PRR16: variants seen among roughly 807,000 people sequenced by gnomAD.
PRR16 encodes the protein proline rich 16.
PRR16 carries 6 observed loss-of-function variants against 18.2 expected under a neutral mutation model. The ratio of observed to expected loss-of-function variants is 0.33; its 90% CI spans 0.18 to 0.65. The LOEUF is 0.65. Among genes scored for constraint, PRR16 ranks in the 30% least tolerant of loss-of-function variants. PRR16 has a pLI of 0.74. For missense variants in PRR16, 412 were observed against 376.6 expected (o/e 1.09, Z -0.78); for synonymous variants, 151 against 147.8 (o/e 1.02, Z -0.16).
At chr5:120,521,049 C>T (rs780486699) in intron 1 of PRR16, among the ~76,000 whole-genome samples, 3 of 152,048 alleles carry the variant, frequency 2.0e-5, no homozygotes, top group East Asian at 3.9e-4. Context: ...GTATTTGCGA[C>T]GGTGGATACA....
the PRR16 span, among the ~76,000 whole-genome samples, chr5:120,787,776 T>C: frequency 6.6e-6 from 1 of 152,090 alleles, no homozygotes; most frequent in African/African-American, 2.4e-5. Flanking sequence ...AAGTACTTCC[T>C]CCTCCTCCGT....
At chr5:120,672,772 A>G (rs1328979307) in intron 1 of PRR16, among the ~76,000 whole-genome samples, 1 of 152,174 alleles carries the variant, frequency 6.6e-6, no homozygotes, top group African/African-American at 2.4e-5. Context: ...CATACTTCAC[A>G]AATACGAAAA....
chr5:120,490,081 A>G (rs1259493483), intron 1 of PRR16, among the ~76,000 whole-genome samples: 1 of 151,974 alleles, frequency 6.6e-6, no homozygotes, highest in Non-Finnish European at 1.5e-5. Context: ...GGCTGCCCTT[A>G]ACCTTTTTTC....
the PRR16 span, among the ~76,000 whole-genome samples, chr5:120,786,546 TTAAG>T: frequency 4.0e-5 from 6 of 148,576 alleles, no homozygotes; most frequent in African/African-American, 1.2e-4. Flanking sequence ...TTATTTTAAA[TTAAG>T]TATCATATAT....
the PRR16 span, among the ~76,000 whole-genome samples, chr5:120,749,303 A>C: frequency 4.6e-5 from 7 of 152,150 alleles, no homozygotes; most frequent in Non-Finnish European, 1.0e-4. Flanking sequence ...TTTTAGAAGC[A>C]CAAAATTTAA....
At chr5:120,633,516 G>A (rs763408382) in intron 1 of PRR16, among the ~76,000 whole-genome samples, 3 of 152,112 alleles carry the variant, frequency 2.0e-5, no homozygotes, top group Non-Finnish European at 4.4e-5. Flanking sequence ...TTAAGGTAAA[G>A]GGGTGGAAAA....
intron 1 of PRR16, among the ~76,000 whole-genome samples, chr5:120,563,818 A>G (rs188051703): frequency 1.3e-5 from 2 of 152,244 alleles, no homozygotes; most frequent in African/African-American, 4.8e-5. Flanking sequence ...TTTCTCAAAC[A>G]GAGGAACTAT....
At chr5:120,555,871 T>A (rs1032859604) in intron 1 of PRR16, among the ~76,000 whole-genome samples, 7 of 151,670 alleles carry the variant, frequency 4.6e-5, no homozygotes, top group Non-Finnish European at 8.8e-5. Flanking sequence ...GTAAGGTTTT[T>A]GTTTTAGTTG....
At chr5:120,746,605 G>A in the PRR16 span, among the ~76,000 whole-genome samples, 2 of 152,114 alleles carry the variant, frequency 1.3e-5, no homozygotes, top group Admixed American at 6.6e-5. Flanking sequence ...CACTGTGTAT[G>A]AGAATTGCTT....
chr5:120,638,072 T>TTA (rs1755299394), intron 1 of PRR16, among the ~76,000 whole-genome samples: 3 of 152,258 alleles, frequency 2.0e-5, no homozygotes, highest in Admixed American at 6.5e-5. Flanking sequence ...CATTTATGTT[T>TTA]TATATATATC....
At chr5:120,666,165 G>A (rs1445573338) in intron 1 of PRR16, among the ~76,000 whole-genome samples, 1 of 152,234 alleles carries the variant, frequency 6.6e-6, no homozygotes, top group East Asian at 1.9e-4. Context: ...CCTTGAAGAG[G>A]TCCTTCACAT....
chr5:120,752,360 C>T, the PRR16 span, among the ~76,000 whole-genome samples: 4 of 151,992 alleles, frequency 2.6e-5, no homozygotes, highest in South Asian at 4.1e-4. Context: ...CTGAGGAAAG[C>T]GGGGAAATAA....
At chr5:120,685,394 G>T (rs1031539914) in intron 1 of PRR16, among the ~76,000 whole-genome samples, 1 of 152,128 alleles carries the variant, frequency 6.6e-6, no homozygotes, top group African/African-American at 2.4e-5. Context: ...TCACTCTGAT[G>T]GTTGCTGCCT....
At chr5:120,770,639 A>G in the PRR16 span, among the ~76,000 whole-genome samples, 1 of 152,050 alleles carries the variant, frequency 6.6e-6, no homozygotes, top group African/African-American at 2.4e-5. Context: ...AAGACAATCT[A>G]AAGAATGAGA....
chr5:120,562,111 A>C lies in PRR16; in HGVS notation c.159+97466A>C, dbSNP rs534406113. Among the ~76,000 whole-genome samples the C allele has an allele frequency of 1.6e-3, 246 of 152,166 alleles. 1 individual carries two copies. The highest frequency in any genetic ancestry group is 2.8e-3 in the Non-Finnish European group (192 of 67,992). ...TCCATGTATTATTGTATCGAAGTCT[A>C]TCTCTCTCTTTGGCTCTAATCATAG... On this transcript the variant is annotated intron_variant, in intron 1 of 1. Transcript: ENST00000407149.
chr5:120,675,178 G>A (rs1426180914), intron 1 of PRR16, among the ~76,000 whole-genome samples: 1 of 152,226 alleles, frequency 6.6e-6, no homozygotes, highest in Non-Finnish European at 1.5e-5. Context: ...TCCCACATAT[G>A]GAGCAAGAGC....
At chr5:120,536,671 G>A (rs4895262) in intron 1 of PRR16, among the ~76,000 whole-genome samples, 26,939 of 152,028 alleles carry the variant, frequency 0.18, 3,137 homozygotes, top group East Asian at 0.63. Flanking sequence ...GTCCTCATTG[G>A]GCACTGATGA....
chr5:120,481,936 A>G (rs1749631042), intron 1 of PRR16, among the ~76,000 whole-genome samples: 1 of 152,098 alleles, frequency 6.6e-6, no homozygotes. Context: ...AAATTGACTA[A>G]TGGTTCTTTT....
chr5:120,504,712 C>G (rs757625170), intron 1 of PRR16, among the ~76,000 whole-genome samples: 1 of 152,134 alleles, frequency 6.6e-6, no homozygotes, highest in Non-Finnish European at 1.5e-5. Flanking sequence ...CCCAGCCAAG[C>G]AGGTCCCTCA....
Sources: gnomAD v4.1 joint callset for allele counts (sites outside exome capture counted in the v4.1 genomes callset) on GRCh38, gnomAD v4.1.1 for gene constraint, MANE v1.5 for transcripts, NCBI Gene and HGNC (gene_info 2026-07-23, HGNC 2026-07-21) for gene names.